The following DPYD variants were observed in gnomAD, a reference collection of about 807,000 sequenced individuals.
The protein encoded by DPYD is dihydropyrimidine dehydrogenase [NADP(+)].
In DPYD, 109 loss-of-function variants were observed where a neutral mutation model predicts 116.2. The ratio of observed to expected loss-of-function variants is 0.94; its 90% CI spans 0.80 to 1.10. The LOEUF is 1.10. DPYD is among the 50% of genes least tolerant of loss of function. DPYD has a pLI of 0.00. For missense variants in DPYD, 1,302 were observed against 1,254.5 expected, an observed-to-expected ratio of 1.04 and a Z score of -0.57; for synonymous variants, 440 against 432.0, an observed-to-expected ratio of 1.02 and a Z score of -0.23.
intron 3 of DPYD, among the ~76,000 whole-genome samples, chr1:97,773,491 C>T (rs111288899): frequency 1.3e-5 from 2 of 152,164 alleles, no homozygotes; most frequent in Admixed American, 6.5e-5. Flanking sequence ...CCTATTTTCA[C>T]GTCCGAATGT....
intron 13 of DPYD, among the ~76,000 whole-genome samples, chr1:97,514,742 T>C (rs995889366): frequency 2.6e-5 from 4 of 151,814 alleles, no homozygotes; most frequent in Admixed American, 2.6e-4. Flanking sequence ...GAGAATTCTC[T>C]AGATTTTCCT....
At chr1:97,463,891 G>C (rs1677158175) in intron 13 of DPYD, among the ~76,000 whole-genome samples, 1 of 152,132 alleles carries the variant, frequency 6.6e-6, no homozygotes, top group Non-Finnish European at 1.5e-5. Flanking sequence ...GGTGACTTGG[G>C]TGGTGTTAAA....
At chr1:97,863,207 T>C (rs1671207674) in intron 2 of DPYD, among the ~76,000 whole-genome samples, 1 of 151,786 alleles carries the variant, frequency 6.6e-6, no homozygotes, top group Non-Finnish European at 1.5e-5. Context: ...GAGGTTACCC[T>C]CCCCTTTCTT....
chr1:97,883,644 G>A (rs569603623), intron 1 of DPYD, among the ~76,000 whole-genome samples: 3 of 151,654 alleles, frequency 2.0e-5, no homozygotes, highest in Admixed American at 6.6e-5. Context: ...ATGAGGTTTC[G>A]CCATGTTGCC....
chr1:97,724,303 GGGGGGTGTGTGTGTGTGTGT>G (rs1557910214), intron 4 of DPYD, among the ~76,000 whole-genome samples: 3 of 14,468 alleles, frequency 2.1e-4, no homozygotes, highest in East Asian at 2.6e-3. Flanking sequence ...TGGGGGGGGG[GGGGGGTGTGTGTGTGTGTGT>G]GTGTGTGTGT....
intron 3 of DPYD, among the ~76,000 whole-genome samples, chr1:97,800,603 T>G (rs1288825538): frequency 6.6e-6 from 1 of 151,938 alleles, no homozygotes; most frequent in Non-Finnish European, 1.5e-5. Context: ...TCCTTCTTCC[T>G]CACCAGATAA....
chr1:97,228,776 C>G (rs1661365732), intron 19 of DPYD, among the ~76,000 whole-genome samples: 1 of 151,958 alleles, frequency 6.6e-6, no homozygotes, highest in Non-Finnish European at 1.5e-5. Context: ...TATTGTAAAA[C>G]CAGAGAACAG....
chr1:97,714,576 A>G (rs1028955179), intron 5 of DPYD, among the ~76,000 whole-genome samples: 2 of 151,364 alleles, frequency 1.3e-5, no homozygotes, highest in African/African-American at 4.9e-5. Context: ...TTTCTAAAGA[A>G]GGAACCCAAC....
intron 8 of DPYD, among the ~76,000 whole-genome samples, chr1:97,616,344 A>C (rs1211399150): frequency 6.6e-6 from 1 of 152,184 alleles, no homozygotes. Context: ...AAGTGAGTAA[A>C]TCATCCCTTT....
At chr1:97,302,070 C>T (rs775451573) in intron 18 of DPYD, among the ~76,000 whole-genome samples, 29 of 151,964 alleles carry the variant, frequency 1.9e-4, no homozygotes, top group Non-Finnish European at 3.5e-4. Flanking sequence ...TTTCCTCTCT[C>T]CAAACCCAAT....
intron 20 of DPYD, among the ~76,000 whole-genome samples, chr1:97,128,097 T>C (rs796280688): frequency 1.3e-5 from 2 of 152,250 alleles, no homozygotes; most frequent in African/African-American, 4.8e-5. Context: ...ACACTCTCAC[T>C]GAAACAGGCA....
At chr1:97,169,268 T>C (rs751195559) in intron 20 of DPYD, among the ~76,000 whole-genome samples, 2 of 152,166 alleles carry the variant, frequency 1.3e-5, no homozygotes, top group Admixed American at 1.3e-4. Flanking sequence ...TACTTCTCTA[T>C]GGAATGGTCT....
At position 97,871,669 on chromosome 1, in the gene DPYD, T is replaced by A. The variant is rs1206049575; in HGVS notation, c.150+11595A>T. Among the ~76,000 whole-genome samples, 4 of 151,686 alleles carry A rather than the reference T, an allele frequency of 2.6e-5. No homozygotes were observed. The East Asian group carries it at 7.8e-4, about 30-fold the overall frequency. ...GTGCTCAAAAAAATTTTTGTGGCTG[T>A]TTCTCTCTCTCTTCTTTCTGTTTCT... On this transcript the variant is annotated intron_variant, in intron 2 of 22. Transcript: ENST00000370192.
chr1:97,739,078 G>C (rs1664120599), intron 4 of DPYD, among the ~76,000 whole-genome samples: 1 of 151,970 alleles, frequency 6.6e-6, no homozygotes, highest in Non-Finnish European at 1.5e-5. Flanking sequence ...TGTTAACTTA[G>C]ATATATTTTT....
At chr1:97,339,897 G>A (rs1267863168) in intron 16 of DPYD, among the ~76,000 whole-genome samples, 2 of 152,146 alleles carry the variant, frequency 1.3e-5, no homozygotes, top group East Asian at 1.9e-4. Context: ...AGAAGGAAGA[G>A]GAAGTAAGGT....
intron 16 of DPYD, 27 bp downstream of exon 16, chr1:97,373,534 C>T (rs1671418068): frequency 6.2e-7 from 1 of 1,602,700 alleles, no homozygotes; most frequent in Non-Finnish European, 8.5e-7. Flanking sequence ...CACTGACATA[C>T]TTAGTGGCAG....
rs183459544 is a variant in DPYD at position 97,389,630 on chromosome 1, C to T, written c.1906-7169G>A. ...GCCATTCTTTTAGTGAATTCTGCTT[C>T]GTAGAAAATACTTTTAAATTGGAGT... On this transcript the variant is annotated intron_variant, in intron 14 of 22. Coordinates refer to ENST00000370192, the MANE Select transcript of DPYD (RefSeq NM_000110.4). Among the ~76,000 whole-genome samples, 74 of 151,962 alleles carry T rather than the reference C, an allele frequency of 4.9e-4. 1 individual carries two copies. Among genetic ancestry groups the T allele is most frequent in the Admixed American group, 4.7e-3 (72 of 15,238 alleles).
At chr1:97,202,085 A>G (rs1490893741) in intron 19 of DPYD, among the ~76,000 whole-genome samples, 1 of 152,096 alleles carries the variant, frequency 6.6e-6, no homozygotes, top group African/African-American at 2.4e-5. Flanking sequence ...TCAGTTGTCT[A>G]TGTTCTGACC....
At chr1:97,383,481 A>AG (rs1553167427) in intron 14 of DPYD, among the ~76,000 whole-genome samples, 21 of 148,940 alleles carry the variant, frequency 1.4e-4, no homozygotes, top group African/African-American at 5.2e-4. Context: ...GTCTCAAAAA[A>AG]AAAAAAAGAA....
Sources: allele counts gnomAD v4.1 joint callset (sites outside exome capture counted in the v4.1 genomes callset), GRCh38; gene constraint gnomAD v4.1.1; transcripts MANE v1.5; gene names NCBI Gene and HGNC (gene_info 2026-07-23, HGNC 2026-07-21).